Variants in TRIM34 observed in about 807,000 individuals in gnomAD.
The protein encoded by TRIM34 is E3 ubiquitin-protein ligase TRIM34.
TRIM34 carries 41 observed loss-of-function variants against 38.1 expected under a neutral mutation model. The ratio of observed to expected loss-of-function variants is 1.08; its 90% CI spans 0.84 to 1.40. TRIM34 has a LOEUF of 1.40. Ranked by LOEUF, TRIM34 falls within the 40% of genes most tolerant of loss-of-function variation. The pLI, the probability that TRIM34 is intolerant of heterozygous loss-of-function variation, is 0.00. For synonymous variants in TRIM34, 200 were observed against 202.5 expected (o/e 0.99, Z 0.10); for missense variants, 556 against 571.4 (o/e 0.97, Z 0.27).
intron 4 of TRIM34, among the ~76,000 whole-genome samples, chr11:5,637,782 T>G (rs1226376125): frequency 6.6e-6 from 1 of 152,220 alleles, no homozygotes; most frequent in African/African-American, 2.4e-5. Flanking sequence ...TAACCACTAT[T>G]CTACTTTCTG....
At chr11:5,638,207 A>C (rs976120915) in intron 4 of TRIM34, among the ~76,000 whole-genome samples, 1 of 152,240 alleles carries the variant, frequency 6.6e-6, no homozygotes, top group African/African-American at 2.4e-5. Context: ...TTTTTAGCAG[A>C]AAATAATATC....
At position 5,632,445 on chromosome 11, in the gene TRIM34, C is replaced by A; in HGVS notation, c.114C>A (p.Cys38Ter). 1 of 1,614,010 alleles carries A rather than the reference C, an allele frequency of 6.2e-7. No homozygotes were observed. The highest frequency in any genetic ancestry group is 8.5e-7 in the Non-Finnish European group (1 of 1,179,996). Residue 38 changes from cysteine (C) to a stop codon, truncating the protein, a stop_gained, in exon 2 of 8, where the codon TGC (cysteine) becomes TGA (stop). Coordinates refer to ENST00000429814, the MANE Select transcript of TRIM34 (RefSeq NM_021616.6). LOFTEE classifies it high-confidence loss of function. ...LDCGHSLCRA[C>*]ITVSNKEAVT... ...GTGGCCACAGCCTCTGCCGAGCCTGCATCACTGTGAGCAACAAGGAGGCAG... is the reference window on the plus strand; with the variant it reads ...GTGGCCACAGCCTCTGCCGAGCCTGAATCACTGTGAGCAACAAGGAGGCAG...
At chr11:5,629,811 C>T (rs1301123752) in intron 1 of TRIM34, among the ~76,000 whole-genome samples, 1 of 152,144 alleles carries the variant, frequency 6.6e-6, no homozygotes, top group Non-Finnish European at 1.5e-5. Context: ...GGGTTCACGC[C>T]ATTCTCCTGC....
intron 4 of TRIM34, among the ~76,000 whole-genome samples, chr11:5,637,245 A>T (rs1849785406): frequency 6.6e-6 from 1 of 152,124 alleles, no homozygotes. Context: ...AGTCCCTGTA[A>T]CAGCTTTCTT....
intron 4 of TRIM34, among the ~76,000 whole-genome samples, chr11:5,637,122 A>G (rs7130074): frequency 0.04 from 6,151 of 152,184 alleles, 395 homozygotes; most frequent in African/African-American, 0.14. Context: ...GCAGTGAGCC[A>G]AGATGGCGCC....
intron 1 of TRIM34, among the ~76,000 whole-genome samples, chr11:5,629,939 C>T (rs1047953480): frequency 6.6e-6 from 1 of 152,126 alleles, no homozygotes; most frequent in African/African-American, 2.4e-5. Flanking sequence ...ATCTCCTTAC[C>T]TCGTGATCCG....
intron 1 of TRIM34, among the ~76,000 whole-genome samples, chr11:5,629,043 G>A (rs747056806): frequency 2.4e-4 from 37 of 152,114 alleles, no homozygotes; most frequent in Non-Finnish European, 5.1e-4. Flanking sequence ...TTGGGAGGCC[G>A]AGACAGGTGG....
Position 5,634,726 on chromosome 11 carries a change from G to GGAA in TRIM34, c.625_627dup (p.Glu209dup). 1 of 1,614,048 alleles carries GGAA rather than the reference G, an allele frequency of 6.2e-7. No homozygotes were observed. Among genetic ancestry groups the GGAA allele is most frequent in the Non-Finnish European group, 8.5e-7 (1 of 1,179,978 alleles). On this transcript the variant is annotated inframe_insertion, in exon 4 of 8. Coordinates refer to ENST00000429814, the MANE Select transcript of TRIM34 (RefSeq NM_021616.6). ...AGGAGCAGAGAGAGCTGCAAAGATTGGAAGAAGAAGAAAAGAAGACGCTGG... is the reference window on the plus strand; with the variant it reads ...AGGAGCAGAGAGAGCTGCAAAGATTGGAAGAAGAAGAAGAAAAGAAGACGCTGG...
At chr11:5,634,028 T>C in intron 3 of TRIM34, 129 bp downstream of exon 3, 1 of 984,640 alleles carries the variant, frequency 1.0e-6, no homozygotes, top group Non-Finnish European at 1.5e-6. Flanking sequence ...CTCTTCTCTG[T>C]CCTGTCCCTG....
In TRIM34 at chr11:5,643,125, A is replaced by ATATATTTT. The variant is rs1554923130; in HGVS notation, c.902-18_902-17insATATTTTT. ...ATTATATTCATATACATATATATAT[A>ATATATTTT]TTTTTTTTTTTCTTGCAGTGGATGT... On this transcript the variant is annotated intron_variant, in intron 7 of 7. Coordinates refer to ENST00000429814, the MANE Select transcript of TRIM34 (RefSeq NM_021616.6). The ATATATTTT allele has an allele frequency of 4.1e-4, 403 of 973,958 alleles. No individual in the cohort carries two copies. Among genetic ancestry groups the ATATATTTT allele is most frequent in the Non-Finnish European group, 4.6e-4 (353 of 761,314 alleles). 60.3% of individuals were successfully genotyped at this position (973,958 alleles called of 1,614,324 possible). A position where few individuals can be genotyped will look rare whatever the true frequency, so the allele number is the denominator to read the frequency against.
At chr11:5,642,588 A>C in intron 6 of TRIM34, 82 bp downstream of exon 6, 1 of 1,523,030 alleles carries the variant, frequency 6.6e-7, no homozygotes, top group South Asian at 1.2e-5. Flanking sequence ...ATAACTTAAA[A>C]TTGAGGACAG....
intron 1 of TRIM34, among the ~76,000 whole-genome samples, chr11:5,631,030 G>T (rs1213201094): frequency 6.6e-6 from 1 of 152,158 alleles, no homozygotes; most frequent in Non-Finnish European, 1.5e-5. Context: ...TATGTATTGG[G>T]ACATCTCTCT....
At chr11:5,642,312 G>C in intron 5 of TRIM34, 94 bp from the exon 6 acceptor site, 1 of 1,127,912 alleles carries the variant, frequency 8.9e-7, no homozygotes, top group Non-Finnish European at 1.3e-6. Context: ...GGGTTCAAGT[G>C]CATCAGTGAT....
chr11:5,628,986 A>G (rs1849363274), intron 1 of TRIM34, among the ~76,000 whole-genome samples: 1 of 152,040 alleles, frequency 6.6e-6, no homozygotes, highest in Non-Finnish European at 1.5e-5. Flanking sequence ...TTATAAAAAC[A>G]CAGGTCAAGG....
rs768521194 is a variant in TRIM34 at position 5,643,142 on chromosome 11, A to G, written c.902-2A>G. ...ATATATATATTTTTTTTTTTCTTGC[A>G]GTGGATGTCACACTGAATTCAGTCA... On this transcript the variant is annotated splice_acceptor_variant, in intron 7 of 7. Transcript: ENST00000429814. LOFTEE classifies it high-confidence loss of function. The G allele has an allele frequency of 7.1e-7, 1 of 1,403,420 alleles. No homozygotes were observed. Among genetic ancestry groups the G allele is most frequent in the Non-Finnish European group, 9.3e-7 (1 of 1,075,638 alleles). 86.9% of individuals were successfully genotyped at this position (1,403,420 alleles called of 1,614,324 possible). A position where few individuals can be genotyped will look rare whatever the true frequency, so the allele number is the denominator to read the frequency against.
chr11:5,633,770 A>G, intron 2 of TRIM34, 34 bp from the exon 3 acceptor site: 1 of 1,596,234 alleles, frequency 6.3e-7, no homozygotes, highest in Non-Finnish European at 8.5e-7. Flanking sequence ...AAGAAAGCTT[A>G]TAGCTTGACT....
Position 5,643,763 on chromosome 11 carries a change from G to A in TRIM34, c.*54G>A. 6.6e-7 allele frequency: 1 copy of A among 1,524,836 alleles called. No individual in the cohort carries two copies. Among genetic ancestry groups the A allele is most frequent in the Non-Finnish European group, 8.8e-7 (1 of 1,142,102 alleles). The allele number at this position is 1,524,836 out of a possible 1,614,324, so 94.5% of individuals were successfully genotyped here. ...TTGTCTTGACTTATCTCCTGCAACTGACTCATCTGCAACATTCACACCATT... is the reference window on the plus strand; with the variant it reads ...TTGTCTTGACTTATCTCCTGCAACTAACTCATCTGCAACATTCACACCATT... On this transcript the variant is annotated 3_prime_UTR_variant, in exon 8 of 8. Transcript: ENST00000429814.
At chr11:5,638,518 T>G (rs986334257) in intron 4 of TRIM34, among the ~76,000 whole-genome samples, 2 of 152,194 alleles carry the variant, frequency 1.3e-5, no homozygotes, top group Admixed American at 1.3e-4. Flanking sequence ...CCAAATATAT[T>G]GGTACATCTT....
At chr11:5,628,227 A>C (rs913418075) in intron 1 of TRIM34, among the ~76,000 whole-genome samples, 4 of 152,234 alleles carry the variant, frequency 2.6e-5, no homozygotes, top group African/African-American at 7.2e-5. Flanking sequence ...GGCAGAATGC[A>C]TGTTCTACTA....
Sources: allele counts gnomAD v4.1 joint callset (sites outside exome capture counted in the v4.1 genomes callset), GRCh38; gene constraint gnomAD v4.1.1; transcripts MANE v1.5; gene names NCBI Gene and HGNC (gene_info 2026-07-23, HGNC 2026-07-21).